TEAD1: variants seen among roughly 807,000 people sequenced by gnomAD.
TEAD1 encodes TEA domain transcription factor 1.
In TEAD1, 9 loss-of-function variants were observed where a neutral mutation model predicts 54.9. The observed-to-expected ratio is 0.16, with a 90% confidence interval of 0.10 to 0.29. The LOEUF is 0.29. TEAD1 is among the 10% of genes least tolerant of loss of function. The pLI, the probability that TEAD1 is intolerant of heterozygous loss-of-function variation, is 1.00. For missense variants in TEAD1, 387 were observed against 535.9 expected (o/e 0.72, Z 2.74); for synonymous variants, 200 against 187.8 (o/e 1.07, Z -0.53).
intron 2 of TEAD1, among the ~76,000 whole-genome samples, chr11:12,705,830 G>A (rs1943802840): frequency 1.3e-5 from 2 of 152,198 alleles, no homozygotes; most frequent in South Asian, 4.2e-4. Flanking sequence ...ACATTTTGCT[G>A]ACCACTCAAG....
chr11:12,782,641 C>T (rs527334720), intron 3 of TEAD1, among the ~76,000 whole-genome samples: 12 of 152,308 alleles, frequency 7.9e-5, no homozygotes, highest in African/African-American at 2.6e-4. Flanking sequence ...AATTATATCA[C>T]AATAAAGGTA....
Position 12,922,192 on chromosome 11 carries a change from CTTTTTTTTTTTTTT to C in TEAD1, c.874-2711_874-2698del, listed in dbSNP as rs756723520. Among the ~76,000 whole-genome samples, 2 of 94,518 alleles carry C rather than the reference CTTTTTTTTTTTTTT, an allele frequency of 2.1e-5. 1 individual carries two copies. The highest frequency in any genetic ancestry group is 4.2e-5 in the Non-Finnish European group (2 of 47,584). 62.0% of individuals were successfully genotyped at this position (94,518 alleles called of 152,430 possible). A position where few individuals can be genotyped will look rare whatever the true frequency, so the allele number is the denominator to read the frequency against. On this transcript the variant is annotated intron_variant, in intron 10 of 12. Transcript: ENST00000527636. ...AGGGGAATGTGGAGTACATGGTTCT[CTTTTTTTTTTTTTT>C]TTTTTTTTGAGACGGAGTCTCGCTC...
At chr11:12,801,705 T>G (rs1440275) in intron 3 of TEAD1, among the ~76,000 whole-genome samples, 134,159 of 152,212 alleles carry the variant, frequency 0.88, 61,677 homozygotes, top group East Asian at 1. Context: ...GGTTGGACTT[T>G]CCTGAAGATG....
intron 2 of TEAD1, among the ~76,000 whole-genome samples, chr11:12,721,993 A>G (rs58504666): frequency 0.017 from 2,639 of 152,288 alleles, 78 homozygotes; most frequent in African/African-American, 0.061. Flanking sequence ...TCACTCCTAA[A>G]TATTCTGATT....
At position 12,722,649 on chromosome 11, in the gene TEAD1, CT is replaced by C. The variant is rs5789737; in HGVS notation, c.-54-41515del. 5.2e-3 allele frequency among the ~76,000 whole-genome samples: 733 copies of C among 139,962 alleles called. 4 individuals are homozygous for C. The highest frequency in any genetic ancestry group is 6.2e-3 in the South Asian group (27 of 4,340). The allele number at this position is 139,962 out of a possible 152,430, so 91.8% of individuals were successfully genotyped here. A position where few individuals can be genotyped will look rare whatever the true frequency, so the allele number is the denominator to read the frequency against. ...TATACCCTGTGATTTCTCTCTCTTT[CT>C]TTTTTTTTTTTTTTCACAAAAATAC... On this transcript the variant is annotated intron_variant, in intron 2 of 12. Transcript: ENST00000527636.
At chr11:12,744,797 A>G (rs1462447523) in intron 2 of TEAD1, among the ~76,000 whole-genome samples, 2 of 152,182 alleles carry the variant, frequency 1.3e-5, no homozygotes, top group Non-Finnish European at 2.9e-5. Context: ...TATCTCTTGT[A>G]AAGAAAGCTG....
chr11:12,731,875 T>C (rs955219395), intron 2 of TEAD1, among the ~76,000 whole-genome samples: 1 of 152,206 alleles, frequency 6.6e-6, no homozygotes, highest in African/African-American at 2.4e-5. Flanking sequence ...TAAAATCTGC[T>C]CACTTTAAAC....
At chr11:12,867,297 G>A (rs1021198244) in intron 5 of TEAD1, among the ~76,000 whole-genome samples, 2 of 152,140 alleles carry the variant, frequency 1.3e-5, no homozygotes, top group South Asian at 2.1e-4. Context: ...ACAGTCTTTG[G>A]GGCTGGGCAT....
At chr11:12,736,909 GTCT>G (rs992905957) in intron 2 of TEAD1, among the ~76,000 whole-genome samples, 18 of 152,054 alleles carry the variant, frequency 1.2e-4, no homozygotes, top group Non-Finnish European at 2.4e-4. Flanking sequence ...GTTAGAAATA[GTCT>G]TCTTCTTTGG....
At chr11:12,686,156 T>C (rs1446721979) in intron 2 of TEAD1, among the ~76,000 whole-genome samples, 1 of 152,232 alleles carries the variant, frequency 6.6e-6, no homozygotes, top group Non-Finnish European at 1.5e-5. Context: ...CCTCCTTTAC[T>C]ATCAAAATGT....
At position 12,904,804 on chromosome 11, in the gene TEAD1, A is replaced by G. The variant is rs545634608; in HGVS notation, c.873+2691A>G. The G allele has an allele frequency of 8.8e-5, 26 of 295,448 alleles. No individual in the cohort carries two copies. In the East Asian group the frequency reaches 1.0e-3, roughly 12 times the overall value. The allele number at this position is 295,448 out of a possible 1,614,324, so 18.3% of individuals were successfully genotyped here. On this transcript the variant is annotated intron_variant, in intron 10 of 12. Transcript: ENST00000527636. ...AAGCAAAAGGTCTTTGAGGTCCTCA[A>G]TAATTTATTTGGTCCTGTTTGCAGT...
chr11:12,776,634 G>C lies in TEAD1; in HGVS notation c.202+12200G>C, dbSNP rs139750066. On this transcript the variant is annotated intron_variant, in intron 3 of 12. Transcript: ENST00000527636. ...CTTGCAATCCGAATGTGTTTGATCG[G>C]CTTGATAGTGACCTGCTATGCATAC... 4.1e-3 allele frequency among the ~76,000 whole-genome samples: 625 copies of C among 151,764 alleles called. 5 individuals carry two copies. The highest frequency in any genetic ancestry group is 0.014 in the African/African-American group (591 of 41,430).
chr11:12,735,274 G>A (rs746529980), intron 2 of TEAD1, among the ~76,000 whole-genome samples: 10 of 152,126 alleles, frequency 6.6e-5, no homozygotes, highest in Non-Finnish European at 1.3e-4. Context: ...TTCCTCTTAT[G>A]TCCTCCAGTT....
chr11:12,762,650 G>T (rs1945124911), intron 2 of TEAD1, among the ~76,000 whole-genome samples: 1 of 152,054 alleles, frequency 6.6e-6, no homozygotes, highest in African/African-American at 2.4e-5. Flanking sequence ...TCCAGGTGCT[G>T]CCAAGTCTAC....
chr11:12,892,713 G>T (rs1453553552), intron 9 of TEAD1, among the ~76,000 whole-genome samples: 1 of 152,182 alleles, frequency 6.6e-6, no homozygotes, highest in Non-Finnish European at 1.5e-5. Flanking sequence ...TGCCAGGAGG[G>T]TTCTTGCCTT....
intron 2 of TEAD1, among the ~76,000 whole-genome samples, chr11:12,761,017 G>C (rs1368554924): frequency 1.3e-5 from 2 of 152,180 alleles, no homozygotes; most frequent in Non-Finnish European, 2.9e-5. Context: ...TGCTAGATAG[G>C]TAATTCCATC....
chr11:12,772,473 T>G (rs530268167), intron 3 of TEAD1, among the ~76,000 whole-genome samples: 1 of 152,182 alleles, frequency 6.6e-6, no homozygotes, highest in Non-Finnish European at 1.5e-5. Context: ...ATTGCTTCTC[T>G]CAAATGAAGG....
chr11:12,906,251 T>C (rs1403729542), intron 10 of TEAD1, among the ~76,000 whole-genome samples: 1 of 152,088 alleles, frequency 6.6e-6, no homozygotes, highest in Non-Finnish European at 1.5e-5. Context: ...ATGTTAAATG[T>C]ACAATTTAGG....
intron 2 of TEAD1, among the ~76,000 whole-genome samples, chr11:12,748,964 C>G: frequency 6.6e-6 from 1 of 152,058 alleles, no homozygotes; most frequent in East Asian, 1.9e-4. Context: ...GGGTTATGCT[C>G]CAGCCAGTTT....
Sources: allele counts gnomAD v4.1 joint callset (sites outside exome capture counted in the v4.1 genomes callset), GRCh38; gene constraint gnomAD v4.1.1; transcripts MANE v1.5; gene names NCBI Gene and HGNC (gene_info 2026-07-23, HGNC 2026-07-21).